FAM83B: variants seen among roughly 807,000 people sequenced by gnomAD.
FAM83B encodes the protein protein FAM83B.
Under a neutral mutation model 38.8 loss-of-function variants are expected in FAM83B, and 26 were observed. The ratio of observed to expected loss-of-function variants is 0.67; its 90% CI spans 0.49 to 0.93. FAM83B has a LOEUF of 0.93. Among genes scored for constraint, FAM83B ranks in the 40% least tolerant of loss-of-function variants. FAM83B has a pLI of 0.00. For missense variants in FAM83B, 1,237 were observed against 1,197.3 expected (o/e 1.03, Z -0.49); for synonymous variants, 419 against 423.1 (o/e 0.99, Z 0.12).
At position 54,940,599 on chromosome 6, in the gene FAM83B, C is replaced by G. The variant is rs1773654722; in HGVS notation, c.1628C>G (p.Ser543Cys). The change falls in exon 5 of 5, where the codon TCT becomes TGT. Residue 543 changes from serine (S) to cysteine (C), a missense_variant. Transcript: ENST00000306858. ...TATACTCATTCTCGGCTTCGTTCCT[C>G]TTTAGTATTTAAACCCACTTTACCT... ...ALYTHSRLRS[S>C]LVFKPTLPEQ... The G allele has an allele frequency of 6.2e-7, 1 of 1,613,932 alleles. No individual in the cohort carries two copies. Among genetic ancestry groups the G allele is most frequent in the Non-Finnish European group, 8.5e-7 (1 of 1,180,012 alleles).
At chr6:54,856,305 T>C (rs1364429061) in intron 1 of FAM83B, among the ~76,000 whole-genome samples, 1 of 152,216 alleles carries the variant, frequency 6.6e-6, no homozygotes, top group Non-Finnish European at 1.5e-5. Flanking sequence ...ACTGTTATGC[T>C]GACATAGGCC....
At chr6:54,865,061 T>A (rs1286794445) in intron 1 of FAM83B, among the ~76,000 whole-genome samples, 3 of 152,356 alleles carry the variant, frequency 2.0e-5, no homozygotes, top group East Asian at 3.9e-4. Context: ...TTAAAAATTT[T>A]GAAGGTTTCA....
At position 54,941,316 on chromosome 6, in the gene FAM83B, C is replaced by A; in HGVS notation, c.2345C>A (p.Thr782Asn). 1.9e-6 allele frequency: 3 copies of A among 1,612,504 alleles called. No homozygotes were observed. The African/African-American group carries it at 4.0e-5, about 22-fold the overall frequency. Residue 782 changes from threonine to asparagine, a missense_variant, in exon 5 of 5, where the codon ACC becomes AAC. Coordinates refer to ENST00000306858, the MANE Select transcript of FAM83B (RefSeq NM_001010872.3). ...AAGTTAAGGTCATTACTTAGCCTTA[C>A]CCCAGATAAGAAAGAAAATCTATCC... is the stretch of plus-strand genomic sequence containing the variant. ...SQKLRSLLSL[T>N]PDKKENLSKN...
chr6:54,873,491 A>G (rs1771912078), intron 2 of FAM83B, among the ~76,000 whole-genome samples: 1 of 152,180 alleles, frequency 6.6e-6, no homozygotes, highest in African/African-American at 2.4e-5. Context: ...ACTATCATTT[A>G]CTCAACAGAT....
At chr6:54,891,890 C>G (rs1278077911) in intron 2 of FAM83B, among the ~76,000 whole-genome samples, 1 of 152,016 alleles carries the variant, frequency 6.6e-6, no homozygotes, top group African/African-American at 2.4e-5. Context: ...CTCCTGAACT[C>G]AAGTGATCCT....
At chr6:54,862,751 G>C (rs1220389441) in intron 1 of FAM83B, among the ~76,000 whole-genome samples, 8 of 151,968 alleles carry the variant, frequency 5.3e-5, no homozygotes, top group African/African-American at 1.9e-4. Flanking sequence ...GGGCATGGCA[G>C]TGTGTGCCTG....
chr6:54,916,845 AC>A (rs1773053034), intron 2 of FAM83B, among the ~76,000 whole-genome samples: 1 of 152,152 alleles, frequency 6.6e-6, no homozygotes, highest in African/African-American at 2.4e-5. Flanking sequence ...TGAAATATCT[AC>A]TTTTATATGT....
chr6:54,883,467 T>G (rs1772188057), intron 2 of FAM83B, among the ~76,000 whole-genome samples: 1 of 151,510 alleles, frequency 6.6e-6, no homozygotes, highest in Non-Finnish European at 1.5e-5. Context: ...CCCGAGTAGC[T>G]GGGATTACAG....
intron 1 of FAM83B, among the ~76,000 whole-genome samples, chr6:54,863,555 G>GACTTTTGTCATTTGGTCCTTAATTC (rs60274215): frequency 6.6e-6 from 1 of 151,668 alleles, no homozygotes; most frequent in African/African-American, 2.4e-5. Flanking sequence ...GCCAACCTGT[G>GACTTTTGTCATTTGGTCCTTAATTC]ACTTCTCCAC....
At chr6:54,855,051 T>C (rs1353771478) in intron 1 of FAM83B, among the ~76,000 whole-genome samples, 2 of 152,188 alleles carry the variant, frequency 1.3e-5, no homozygotes, top group Non-Finnish European at 2.9e-5. Flanking sequence ...GTCACTAACT[T>C]CAGAATTTTC....
chr6:54,940,546 T>C lies in FAM83B; in HGVS notation c.1575T>C (p.Asn525=). The change falls in exon 5 of 5, where the codon AAT becomes AAC. Residue 525 remains asparagine (N), a synonymous_variant. Coordinates refer to ENST00000306858, the MANE Select transcript of FAM83B (RefSeq NM_001010872.3). ...GTGACCGATTTGAGGGCTATGATAA[T>C]CCTGAGAATTTGAAGGCCAATGCCC... is the stretch of plus-strand genomic sequence containing the variant. ...ALGDRFEGYD[N]PENLKANALY... The C allele has an allele frequency of 6.2e-7, 1 of 1,614,040 alleles. No homozygotes were observed. The highest frequency in any genetic ancestry group is 8.5e-7 in the Non-Finnish European group (1 of 1,180,016).
chr6:54,867,040 A>G (rs998398743), intron 1 of FAM83B, among the ~76,000 whole-genome samples: 1 of 151,452 alleles, frequency 6.6e-6, no homozygotes, highest in African/African-American at 2.4e-5. Flanking sequence ...TTTAACTGTT[A>G]GATAAGCCTA....
At chr6:54,867,843 G>A (rs1771756334) in intron 1 of FAM83B, among the ~76,000 whole-genome samples, 1 of 151,982 alleles carries the variant, frequency 6.6e-6, no homozygotes, top group Non-Finnish European at 1.5e-5. Flanking sequence ...ACATATATAG[G>A]AATTCAAAAG....
intron 2 of FAM83B, among the ~76,000 whole-genome samples, chr6:54,882,372 C>T (rs1423843748): frequency 6.6e-6 from 1 of 152,192 alleles, no homozygotes; most frequent in Non-Finnish European, 1.5e-5. Flanking sequence ...CATTTATCTT[C>T]ACAACAGTTC....
chr6:54,926,256 T>C lies in FAM83B; in HGVS notation c.445-115T>C, dbSNP rs752707810. ...AATGAAATGAATATTTGTATATACATACATATATGTATTTAATTTTTAAAA... is the reference window on the plus strand; with the variant it reads ...AATGAAATGAATATTTGTATATACACACATATATGTATTTAATTTTTAAAA... On this transcript the variant is annotated intron_variant, in intron 2 of 4. Transcript: ENST00000306858. 9.5e-4 allele frequency: 496 copies of C among 521,072 alleles called. 1 individual carries two copies. Among genetic ancestry groups the C allele is most frequent in the Non-Finnish European group, 1.4e-3 (429 of 300,286 alleles). The allele number at this position is 521,072 out of a possible 1,614,324, so 32.3% of individuals were successfully genotyped here.
At chr6:54,869,327 T>C (rs957466264) in intron 1 of FAM83B, among the ~76,000 whole-genome samples, 19 of 152,206 alleles carry the variant, frequency 1.2e-4, no homozygotes, top group Non-Finnish European at 1.9e-4. Flanking sequence ...TGTCTCTTCT[T>C]CAGTCCCCTG....
chr6:54,926,854 C>G (rs1461872516), intron 3 of FAM83B, among the ~76,000 whole-genome samples: 1 of 152,094 alleles, frequency 6.6e-6, no homozygotes, highest in Non-Finnish European at 1.5e-5. Flanking sequence ...GCCTCAGCCT[C>G]TCGAGTAGCT....
Position 54,940,266 on chromosome 6 carries a change from G to A in FAM83B, c.1295G>A (p.Gly432Asp), listed in dbSNP as rs1773638409. 1 of 1,613,874 alleles carries A rather than the reference G, an allele frequency of 6.2e-7. No homozygotes were observed. ...AGTGTGGCGTCCTCATCACGGGAAG[G>A]CTATGTAAGCCACCACAACACACCT... ...SLSVASSSRE[G>D]YVSHHNTPAQ... Residue 432 changes from glycine to aspartate, a missense_variant, in exon 5 of 5, where the codon GGC becomes GAC. Physicochemically the swap from Gly to Asp is moderately conservative, Grantham distance 94. Coordinates refer to ENST00000306858, the MANE Select transcript of FAM83B (RefSeq NM_001010872.3).
In FAM83B at chr6:54,942,059, G is replaced by A. The variant is rs2127592274; in HGVS notation, c.*52G>A. On this transcript the variant is annotated 3_prime_UTR_variant, in exon 5 of 5. Coordinates refer to ENST00000306858, the MANE Select transcript of FAM83B (RefSeq NM_001010872.3). Reference sequence around the variant, plus strand: ...TATCAATATTTGTCCAAAGAAAATTGTGGACAGTCTTTGTAACATGCCAAT... The same window carrying A: ...TATCAATATTTGTCCAAAGAAAATTATGGACAGTCTTTGTAACATGCCAAT... 6.6e-7 allele frequency: 1 copy of A among 1,526,254 alleles called. No homozygotes were observed. The highest frequency in any genetic ancestry group is 8.8e-7 in the Non-Finnish European group (1 of 1,134,440). 94.5% of individuals were successfully genotyped at this position (1,526,254 alleles called of 1,614,324 possible). A position where few individuals can be genotyped will look rare whatever the true frequency, so the allele number is the denominator to read the frequency against.
Sources: allele counts gnomAD v4.1 joint callset (sites outside exome capture counted in the v4.1 genomes callset), GRCh38; gene constraint gnomAD v4.1.1; transcripts MANE v1.5; gene names NCBI Gene and HGNC (gene_info 2026-07-23, HGNC 2026-07-21).